ENOX1: variants seen among roughly 807,000 people sequenced by gnomAD.
ENOX1 encodes the protein candidate growth-related and time keeping constitutive hydroquinone (NADH) oxidase.
A neutral mutation model predicts 82.5 loss-of-function variants in ENOX1; 42 were observed. The ratio of observed to expected loss-of-function variants is 0.51; its 90% CI spans 0.40 to 0.66. The LOEUF (loss-of-function observed/expected upper bound fraction) is 0.66. Among genes scored for constraint, ENOX1 ranks in the 30% least tolerant of loss-of-function variants. ENOX1 has a pLI of 0.00. For missense variants in ENOX1, 608 were observed against 811.6 expected (o/e 0.75, Z 3.05); for synonymous variants, 271 against 282.2 (o/e 0.96, Z 0.40).
At chr13:43,535,173 A>AGCT (rs1226163927) in intron 2 of ENOX1, among the ~76,000 whole-genome samples, 2 of 152,210 alleles carry the variant, frequency 1.3e-5, no homozygotes, top group Non-Finnish European at 2.9e-5. Flanking sequence ...AGTAGAGGTT[A>AGCT]GCTGCTGCTG....
intron 1 of ENOX1, among the ~76,000 whole-genome samples, chr13:43,701,656 T>C (rs559170080): frequency 6.6e-6 from 1 of 152,206 alleles, no homozygotes; most frequent in Non-Finnish European, 1.5e-5. Flanking sequence ...AAATTATTTT[T>C]TCCAGAACTA....
chr13:43,610,645 T>C (rs1035631847), intron 2 of ENOX1, among the ~76,000 whole-genome samples: 2 of 152,178 alleles, frequency 1.3e-5, no homozygotes, highest in African/African-American at 4.8e-5. Flanking sequence ...TAGTTATTCA[T>C]ATTCAGGAGG....
At chr13:43,772,265 C>T (rs1302322837) in intron 1 of ENOX1, among the ~76,000 whole-genome samples, 1 of 152,198 alleles carries the variant, frequency 6.6e-6, no homozygotes, top group East Asian at 1.9e-4. Context: ...AGTCACGGTA[C>T]TCAAAGAAGA....
chr13:43,470,320 A>ATATATATACATATATATATACACG lies in ENOX1; in HGVS notation c.-75+13688_-75+13689insCGTGTATATATATATGTATATATA, dbSNP rs1566306392. Reference sequence around the variant, plus strand: ...CACATATATATACATATATATACACATATATATATGTATATATATACGTAT... The same window carrying ATATATATACATATATATATACACG: ...CACATATATATACATATATATACACATATATATACATATATATATACACGTATATATATGTATATATATACGTAT... On this transcript the variant is annotated intron_variant, in intron 3 of 16. Transcript: ENST00000690772. 1.6e-4 allele frequency among the ~76,000 whole-genome samples: 7 copies of ATATATATACATATATATATACACG among 43,524 alleles called. 1 individual carries two copies. The highest frequency in any genetic ancestry group is 3.4e-4 in the African/African-American group (5 of 14,524). 28.6% of individuals were successfully genotyped at this position (43,524 alleles called of 152,430 possible). A position where few individuals can be genotyped will look rare whatever the true frequency, so the allele number is the denominator to read the frequency against.
At chr13:43,218,585 C>T (rs1466812057) in intron 16 of ENOX1, among the ~76,000 whole-genome samples, 1 of 152,130 alleles carries the variant, frequency 6.6e-6, no homozygotes, top group Non-Finnish European at 1.5e-5. Flanking sequence ...GTGATTGCTC[C>T]ACTGCACTCC....
At chr13:43,523,916 A>G (rs1318767455) in intron 2 of ENOX1, among the ~76,000 whole-genome samples, 1 of 152,140 alleles carries the variant, frequency 6.6e-6, no homozygotes, top group Non-Finnish European at 1.5e-5. Context: ...ATGGCACACC[A>G]CAAACATGAT....
chr13:43,759,031 A>G (rs1205232966), intron 1 of ENOX1, among the ~76,000 whole-genome samples: 3 of 152,104 alleles, frequency 2.0e-5, no homozygotes, highest in African/African-American at 7.2e-5. Flanking sequence ...TCTACCTTAC[A>G]AACAGCTAGA....
intron 3 of ENOX1, among the ~76,000 whole-genome samples, chr13:43,467,525 T>TCAAA (rs368994089): frequency 1.3e-5 from 2 of 151,538 alleles, no homozygotes; most frequent in South Asian, 2.1e-4. Flanking sequence ...TTTTAAAATT[T>TCAAA]TAAATTTTAA....
Position 43,269,526 on chromosome 13 carries a change from G to A in ENOX1, c.1498C>T (p.Gln500Ter), listed in dbSNP as rs2044569620. The A allele has an allele frequency of 1.2e-6, 2 of 1,613,950 alleles. No individual in the cohort carries two copies. The highest frequency in any genetic ancestry group is 8.5e-7 in the Non-Finnish European group (1 of 1,179,872). Residue 500 changes from glutamine (Q) to a stop codon, truncating the protein, a stop_gained, in exon 13 of 17, where the codon CAA (glutamine) becomes TAA (stop). Coordinates refer to ENST00000690772, the MANE Select transcript of ENOX1 (RefSeq NM_001347969.2). LOFTEE classifies it high-confidence loss of function. ...GTATGGGACTGCTCTTCCTTTGCTT[G>A]TTCCAATTCTGACTTTTTGTTGTTT... Reference protein sequence around the residue: ...ELNNKKSELEQAKEEQSHTQA... With the variant: ...ELNNKKSELE
chr13:43,231,016 T>C (rs1418505831), intron 15 of ENOX1, among the ~76,000 whole-genome samples: 1 of 152,188 alleles, frequency 6.6e-6, no homozygotes, highest in African/African-American at 2.4e-5. Flanking sequence ...TTGCTTTCTC[T>C]ACACCTACAC....
intron 2 of ENOX1, among the ~76,000 whole-genome samples, chr13:43,539,298 A>G (rs1195682121): frequency 6.6e-6 from 1 of 152,188 alleles, no homozygotes; most frequent in Non-Finnish European, 1.5e-5. Flanking sequence ...CTTTGAACAT[A>G]TGCACTTAAG....
At chr13:43,493,853 G>A (rs546057666) in intron 2 of ENOX1, among the ~76,000 whole-genome samples, 37 of 152,250 alleles carry the variant, frequency 2.4e-4, no homozygotes, top group African/African-American at 8.7e-4. Context: ...AGAACTGCTC[G>A]AGGCTGGGTA....
chr13:43,748,693 A>C (rs1950156143), intron 1 of ENOX1, among the ~76,000 whole-genome samples: 1 of 152,226 alleles, frequency 6.6e-6, no homozygotes, highest in Admixed American at 6.5e-5. Context: ...TAAATAATAC[A>C]TGCAAAATAC....
At position 43,649,518 on chromosome 13, in the gene ENOX1, G is replaced by A. The variant is rs1434979550; in HGVS notation, c.-219+17961C>T. ...ATCTAGTAAGATGGCTTTTGTGTTG[G>A]GGGTGAGAGGTGCAGAGTTCACACT... is the stretch of plus-strand genomic sequence containing the variant. On this transcript the variant is annotated intron_variant, in intron 2 of 16. Coordinates refer to ENST00000690772, the MANE Select transcript of ENOX1 (RefSeq NM_001347969.2). Among the ~76,000 whole-genome samples, 16 of 152,102 alleles carry A rather than the reference G, an allele frequency of 1.1e-4. 1 individual carries two copies. The highest frequency in any genetic ancestry group is 1.0e-3 in the Admixed American group (16 of 15,270).
At chr13:43,290,075 C>G (rs1197821372) in intron 12 of ENOX1, among the ~76,000 whole-genome samples, 2 of 152,148 alleles carry the variant, frequency 1.3e-5, no homozygotes, top group Non-Finnish European at 2.9e-5. Context: ...TCAAAAACAA[C>G]AGATGCTGGT....
chr13:43,588,381 A>G (rs1381168394), intron 2 of ENOX1, among the ~76,000 whole-genome samples: 1 of 152,214 alleles, frequency 6.6e-6, no homozygotes, highest in Non-Finnish European at 1.5e-5. Context: ...TTTCTTTTAC[A>G]TGATAATGAC....
At chr13:43,279,968 G>A (rs574932825) in intron 12 of ENOX1, among the ~76,000 whole-genome samples, 3 of 152,342 alleles carry the variant, frequency 2.0e-5, no homozygotes, top group African/African-American at 7.2e-5. Flanking sequence ...ACATGTATCA[G>A]TGACATTCTC....
chr13:43,577,802 T>A (rs1354959485), intron 2 of ENOX1, among the ~76,000 whole-genome samples: 1 of 152,204 alleles, frequency 6.6e-6, no homozygotes, highest in Non-Finnish European at 1.5e-5. Context: ...ATTTATAGCA[T>A]CCCTAGATGG....
chr13:43,775,367 CTT>C (rs1951854353), intron 1 of ENOX1, among the ~76,000 whole-genome samples: 1 of 152,086 alleles, frequency 6.6e-6, no homozygotes, highest in Admixed American at 6.5e-5. Flanking sequence ...CTCTCGAACT[CTT>C]AGTCTCAAGT....
Sources: allele counts gnomAD v4.1 joint callset (sites outside exome capture counted in the v4.1 genomes callset), GRCh38; gene constraint gnomAD v4.1.1; transcripts MANE v1.5; gene names NCBI Gene and HGNC (gene_info 2026-07-23, HGNC 2026-07-21).